Variants in RBMS3 observed in about 807,000 individuals in gnomAD.
RBMS3 encodes RNA-binding motif, single-stranded-interacting protein 3.
A neutral mutation model predicts 66.8 loss-of-function variants in RBMS3; 27 were observed. That is an observed-to-expected ratio of 0.40 (90% CI 0.30 to 0.56). RBMS3 has a LOEUF of 0.56. RBMS3 is among the 20% of genes least tolerant of loss of function. RBMS3 has a pLI of 0.40. For synonymous variants in RBMS3, 188 were observed against 183.0 expected, an observed-to-expected ratio of 1.03 and a Z score of -0.22; for missense variants, 513 against 549.5, an observed-to-expected ratio of 0.93 and a Z score of 0.66.
intron 4 of RBMS3, among the ~76,000 whole-genome samples, chr3:29,667,440 A>G (rs567443327): frequency 6.6e-6 from 1 of 152,010 alleles, no homozygotes; most frequent in Non-Finnish European, 1.5e-5. Flanking sequence ...ATTAATCAAA[A>G]CTCTGAGAGT....
chr3:29,932,488 G>A (rs914579922), intron 10 of RBMS3, among the ~76,000 whole-genome samples: 2 of 152,174 alleles, frequency 1.3e-5, no homozygotes, highest in African/African-American at 4.8e-5. Flanking sequence ...TAATCCCAGA[G>A]AGTCTAATTT....
In RBMS3 at chr3:29,983,389, T is replaced by A. The variant is rs140487074; in HGVS notation, c.1099-4754T>A. 3.6e-3 allele frequency among the ~76,000 whole-genome samples: 542 copies of A among 152,324 alleles called. 2 individuals are homozygous for A. Among genetic ancestry groups the A allele is most frequent in the African/African-American group, 0.012 (508 of 41,566 alleles). On this transcript the variant is annotated intron_variant, in intron 12 of 14. Coordinates refer to ENST00000383767, the MANE Select transcript of RBMS3 (RefSeq NM_001003793.3). ...ATCCAATTTGCCAGTCTGTGTCTTT[T>A]AATTGGGGCATTTAGCTCATTTACA...
intron 2 of RBMS3, among the ~76,000 whole-genome samples, chr3:29,444,090 T>C (rs2041727988): frequency 6.6e-6 from 1 of 152,128 alleles, no homozygotes; most frequent in Non-Finnish European, 1.5e-5. Context: ...TATCTGATTC[T>C]AGTTTTCAAA....
At chr3:29,654,521 CGTGTGTGTGTGTGTGTGT>C (rs56163408) in intron 4 of RBMS3, among the ~76,000 whole-genome samples, 54 of 118,990 alleles carry the variant, frequency 4.5e-4, no homozygotes, top group South Asian at 6.5e-4. Context: ...GAATTGGATT[CGTGTGTGTGTGTGTGTGT>C]GTGTGTGTGT....
Position 29,647,941 on chromosome 3 carries a change from T to A in RBMS3, c.399+60736T>A, listed in dbSNP as rs2049995449. On this transcript the variant is annotated intron_variant, in intron 4 of 14. Coordinates refer to ENST00000383767, the MANE Select transcript of RBMS3 (RefSeq NM_001003793.3). ...ACTGGGTCTACTGAATGAAAAATCA[T>A]ACAGAGGTGTTACTGTAACACCATA... Among the ~76,000 whole-genome samples, 3 of 152,200 alleles carry A rather than the reference T, an allele frequency of 2.0e-5. No individual in the cohort carries two copies. The South Asian group carries it at 6.2e-4, about 32-fold the overall frequency.
intron 4 of RBMS3, among the ~76,000 whole-genome samples, chr3:29,588,112 A>T (rs1162361954): frequency 6.6e-6 from 1 of 152,094 alleles, no homozygotes; most frequent in Non-Finnish European, 1.5e-5. Flanking sequence ...ATGTCTTATA[A>T]ATCTATAAAT....
chr3:29,444,674 G>A (rs373002651), intron 2 of RBMS3, among the ~76,000 whole-genome samples: 3 of 151,908 alleles, frequency 2.0e-5, no homozygotes, highest in Admixed American at 6.6e-5. Context: ...TGGCAACATC[G>A]AGGTCATTGG....
intron 12 of RBMS3, among the ~76,000 whole-genome samples, chr3:29,959,213 A>G (rs755541412): frequency 6.6e-6 from 1 of 152,216 alleles, no homozygotes; most frequent in African/African-American, 2.4e-5. Context: ...GAGATATACT[A>G]TGAGAGTTAG....
chr3:29,535,372 T>A (rs1576153023), intron 3 of RBMS3, among the ~76,000 whole-genome samples: 1 of 152,144 alleles, frequency 6.6e-6, no homozygotes, highest in East Asian at 1.9e-4. Flanking sequence ...TGTAAAATCA[T>A]TTCCCATTAA....
At chr3:29,296,009 T>C (rs1270904348) in intron 1 of RBMS3, among the ~76,000 whole-genome samples, 2 of 151,728 alleles carry the variant, frequency 1.3e-5, no homozygotes, top group African/African-American at 2.4e-5. Flanking sequence ...GATTGTACTC[T>C]TCCTTTGGTA....
chr3:29,965,406 T>G (rs897407675), intron 12 of RBMS3, among the ~76,000 whole-genome samples: 74 of 152,124 alleles, frequency 4.9e-4, no homozygotes, highest in African/African-American at 1.8e-3. Context: ...TTTTATTTTT[T>G]GATTATGGCC....
intron 5 of RBMS3, among the ~76,000 whole-genome samples, chr3:29,757,171 G>C (rs1273273491): frequency 2.6e-5 from 4 of 152,164 alleles, no homozygotes; most frequent in Non-Finnish European, 5.9e-5. Context: ...CATAAACTCA[G>C]ATGTGGTTAA....
chr3:29,946,307 A>C (rs543078602), intron 12 of RBMS3, among the ~76,000 whole-genome samples: 1 of 151,748 alleles, frequency 6.6e-6, no homozygotes, highest in African/African-American at 2.4e-5. Context: ...CAAATCTTCC[A>C]ATATGTCAAT....
chr3:29,292,925 T>C (rs1262343745), intron 1 of RBMS3, among the ~76,000 whole-genome samples: 1 of 151,884 alleles, frequency 6.6e-6, no homozygotes, highest in Admixed American at 6.6e-5. Flanking sequence ...AATACGTCAA[T>C]GTAAATTCAT....
intron 4 of RBMS3, among the ~76,000 whole-genome samples, chr3:29,674,176 A>T: frequency 6.6e-6 from 1 of 152,244 alleles, no homozygotes; most frequent in East Asian, 1.9e-4. Context: ...CAATAGATGC[A>T]GAAAAGGCCT....
At chr3:29,318,583 C>T (rs191252072) in intron 1 of RBMS3, among the ~76,000 whole-genome samples, 1 of 151,966 alleles carries the variant, frequency 6.6e-6, no homozygotes, top group Non-Finnish European at 1.5e-5. Context: ...CAATTATTTC[C>T]GAATGATTAC....
At chr3:30,002,231 T>A (rs1186617189) in intron 14 of RBMS3, among the ~76,000 whole-genome samples, 1 of 152,032 alleles carries the variant, frequency 6.6e-6, no homozygotes, top group Non-Finnish European at 1.5e-5. Context: ...TACTTGAGCT[T>A]GATGGGTCAG....
chr3:29,332,647 A>C (rs2035730694), intron 1 of RBMS3, among the ~76,000 whole-genome samples: 2 of 152,164 alleles, frequency 1.3e-5, no homozygotes, highest in African/African-American at 4.8e-5. Context: ...CGAAACATCC[A>C]GTTATACACC....
intron 10 of RBMS3, among the ~76,000 whole-genome samples, chr3:29,930,694 G>A (rs1212971603): frequency 6.6e-6 from 1 of 151,650 alleles, no homozygotes; most frequent in African/African-American, 2.4e-5. Flanking sequence ...GAGAACAAAT[G>A]AAATATGTAC....
Sources: gnomAD v4.1 joint callset for allele counts (sites outside exome capture counted in the v4.1 genomes callset) on GRCh38, gnomAD v4.1.1 for gene constraint, MANE v1.5 for transcripts, NCBI Gene and HGNC (gene_info 2026-07-23, HGNC 2026-07-21) for gene names.